Variants in SLC36A1 observed in about 807,000 individuals in gnomAD.
The protein encoded by SLC36A1 is proton-coupled amino acid transporter 1.
A neutral mutation model predicts 47.5 loss-of-function variants in SLC36A1; 30 were observed. The observed-to-expected ratio is 0.63, with a 90% CI of 0.47 to 0.86. SLC36A1 has a LOEUF of 0.86. Ranked by LOEUF, SLC36A1 falls within the 40% of genes least tolerant of loss-of-function variation. The probability of loss-of-function intolerance (pLI) is 0.00; values close to 1 mark genes in which losing one functional copy is unlikely to be tolerated. For missense variants in SLC36A1, 517 were observed against 606.0 expected (o/e 0.85, Z 1.54); for synonymous variants, 255 against 249.7 (o/e 1.02, Z -0.20).
the SLC36A1 span, chr5:151,507,179 C>T: frequency 6.3e-7 from 1 of 1,598,134 alleles, no homozygotes; most frequent in Non-Finnish European, 8.5e-7. Context: ...ACCAGGTTCT[C>T]TTAATGACAG....
At chr5:151,353,222 A>G in the SLC36A1 span, among the ~76,000 whole-genome samples, 2 of 152,218 alleles carry the variant, frequency 1.3e-5, no homozygotes, top group Non-Finnish European at 2.9e-5. Flanking sequence ...ATAGACTCAT[A>G]GTACTTAGTT....
At chr5:151,460,390 G>T in intron 2 of SLC36A1, among the ~76,000 whole-genome samples, 1 of 152,222 alleles carries the variant, frequency 6.6e-6, no homozygotes, top group East Asian at 1.9e-4. Context: ...CTTTAGGATA[G>T]TAGCTCATAG....
At chr5:151,355,289 G>T in the SLC36A1 span, among the ~76,000 whole-genome samples, 1 of 151,990 alleles carries the variant, frequency 6.6e-6, no homozygotes, top group African/African-American at 2.4e-5. Flanking sequence ...GAAAAAGAAT[G>T]CAGGAAAGAA....
chr5:151,372,068 A>C, the SLC36A1 span, among the ~76,000 whole-genome samples: 9 of 152,166 alleles, frequency 5.9e-5, no homozygotes, highest in Non-Finnish European at 1.0e-4. Flanking sequence ...GCAATGTTCA[A>C]CCTCTAAAAT....
chr5:151,433,945 A>T (rs1207921268), upstream of SLC36A1, among the ~76,000 whole-genome samples: 2 of 151,812 alleles, frequency 1.3e-5, no homozygotes, highest in Admixed American at 1.3e-4. Flanking sequence ...AGGATGGAGT[A>T]AAATTGTGGC....
At chr5:151,345,297 G>A in the SLC36A1 span, among the ~76,000 whole-genome samples, 5 of 152,116 alleles carry the variant, frequency 3.3e-5, no homozygotes, top group Admixed American at 1.3e-4. Context: ...ACTCTGAAAG[G>A]AGCCCGGTCT....
the SLC36A1 span, chr5:151,347,168 C>T: frequency 8.8e-7 from 1 of 1,134,512 alleles, no homozygotes; most frequent in Non-Finnish European, 1.3e-6. Flanking sequence ...CCCATGACTG[C>T]ACCTTTTGCA....
At chr5:151,521,728 A>G in the SLC36A1 span, 1 of 1,613,982 alleles carries the variant, frequency 6.2e-7, no homozygotes. Flanking sequence ...CTCCTGCCCC[A>G]CATGCCACAC....
chr5:151,413,372 A>G, the SLC36A1 span, among the ~76,000 whole-genome samples: 1 of 152,154 alleles, frequency 6.6e-6, no homozygotes, highest in African/African-American at 2.4e-5. Context: ...ATAACATAAA[A>G]TAAAATGGAA....
downstream of SLC36A1, among the ~76,000 whole-genome samples, chr5:151,494,912 T>C (rs962713090): frequency 6.6e-6 from 1 of 152,214 alleles, no homozygotes; most frequent in Non-Finnish European, 1.5e-5. Flanking sequence ...ATATACTCTA[T>C]ATTTAATTAT....
intron 1 of SLC36A1, among the ~76,000 whole-genome samples, chr5:151,452,710 AAC>A (rs1436203259): frequency 6.6e-6 from 1 of 151,806 alleles, no homozygotes; most frequent in Non-Finnish European, 1.5e-5. Context: ...CTCTACTAAA[AAC>A]ACAAAAAATT....
At chr5:151,524,141 C>T in the SLC36A1 span, among the ~76,000 whole-genome samples, 1 of 152,102 alleles carries the variant, frequency 6.6e-6, no homozygotes, top group Non-Finnish European at 1.5e-5. Flanking sequence ...TCCTGAGACA[C>T]AAAGAGGATC....
the SLC36A1 span, chr5:151,522,166 G>GGGCAGAGAAACGTAGCTCCACA: frequency 8.4e-7 from 1 of 1,189,046 alleles, no homozygotes; most frequent in Non-Finnish European, 1.2e-6. Context: ...CCTCCTTGTG[G>GGGCAGAGAAACGTAGCTCCACA]AGCTACGTTT....
chr5:151,544,114 T>A, the SLC36A1 span: 2 of 1,614,210 alleles, frequency 1.2e-6, no homozygotes, highest in Non-Finnish European at 1.7e-6. Flanking sequence ...GGCTTCATAA[T>A]CCAGTTCTTG....
At chr5:151,512,433 T>A in the SLC36A1 span, 3 of 1,614,226 alleles carry the variant, frequency 1.9e-6, no homozygotes, top group Admixed American at 1.7e-5. This position sits in a 1 kb window ranked among gnomAD's most constrained non-coding sequence, Gnocchi z 4.1. Flanking sequence ...GGCAGTTCTC[T>A]GGGACCACAA....
the SLC36A1 span, among the ~76,000 whole-genome samples, chr5:151,358,275 G>GT: frequency 0.064 from 9,521 of 148,334 alleles, 937 homozygotes; most frequent in African/African-American, 0.22. Context: ...TTTCTTTTCT[G>GT]TTTTTTTTTT....
the SLC36A1 span, chr5:151,531,638 G>A: frequency 3.7e-6 from 6 of 1,613,464 alleles, no homozygotes; most frequent in African/African-American, 2.7e-5. The surrounding 1 kb of genome is among the most constrained non-coding windows in gnomAD (Gnocchi z 5.7). Flanking sequence ...CTGACCACGC[G>A]GTAGCCGGTC....
At chr5:151,524,457 C>A in the SLC36A1 span, among the ~76,000 whole-genome samples, 1 of 152,002 alleles carries the variant, frequency 6.6e-6, no homozygotes, top group African/African-American at 2.4e-5. Flanking sequence ...AATGAGAAGC[C>A]GACAGTCTGC....
chr5:151,347,317 C>A, the SLC36A1 span: 1 of 1,614,150 alleles, frequency 6.2e-7, no homozygotes, highest in Non-Finnish European at 8.5e-7. Context: ...TGGTCTTCTT[C>A]AAGCCTGCTG....
Sources: allele counts gnomAD v4.1 joint callset (sites outside exome capture counted in the v4.1 genomes callset), GRCh38; gene constraint gnomAD v4.1.1; non-coding constraint Gnocchi (gnomAD v3.1); transcripts MANE v1.5; gene names NCBI Gene and HGNC (gene_info 2026-07-23, HGNC 2026-07-21).